Variants in DYRK4 observed in about 807,000 individuals in gnomAD.
DYRK4 encodes the protein dual specificity tyrosine-phosphorylation-regulated kinase 4.
A neutral mutation model predicts 68.3 loss-of-function variants in DYRK4; 64 were observed. The observed-to-expected ratio is 0.94, with a 90% CI of 0.77 to 1.15. DYRK4 has a LOEUF of 1.15. DYRK4 is among the 50% of genes most tolerant of loss of function. DYRK4 has a pLI of 0.00. For synonymous variants in DYRK4, 274 were observed against 289.9 expected (o/e 0.95, Z 0.56); for missense variants, 740 against 764.7 (o/e 0.97, Z 0.38).
intron 2 of DYRK4, among the ~76,000 whole-genome samples, chr12:4,580,092 G>A (rs772095959): frequency 1.3e-5 from 2 of 152,292 alleles, no homozygotes; most frequent in Non-Finnish European, 2.9e-5. Flanking sequence ...ATTTACCAAG[G>A]TGCATTTAAC....
chr12:4,577,485 G>T (rs1944801289), intron 2 of DYRK4, among the ~76,000 whole-genome samples: 1 of 152,158 alleles, frequency 6.6e-6, no homozygotes, highest in Non-Finnish European at 1.5e-5. Context: ...TTGTTCCATT[G>T]AACTATTTGT....
At chr12:4,600,534 G>C (rs1047006643) in intron 10 of DYRK4, among the ~76,000 whole-genome samples, 1 of 150,028 alleles carries the variant, frequency 6.7e-6, no homozygotes, top group African/African-American at 2.5e-5. Flanking sequence ...AGGTGGCAAG[G>C]GCTGTCAGAG....
intron 1 of DYRK4, among the ~76,000 whole-genome samples, chr12:4,563,898 C>T (rs1294301398): frequency 2.0e-5 from 3 of 152,328 alleles, no homozygotes; most frequent in Admixed American, 6.5e-5. Context: ...CAAGTACCAA[C>T]CCTATGTAAA....
In DYRK4 at chr12:4,605,099, C is replaced by A. The variant is rs1945127817; in HGVS notation, c.1299+13C>A. On this transcript the variant is annotated intron_variant, in intron 11 of 14. Coordinates refer to ENST00000543431, the MANE Select transcript of DYRK4 (RefSeq NM_001394779.1). ...CTGCATCATGGAGGTACGCGGAGGGCTGGCGGTCGGCTCCCACGGAGACCG... is the reference window on the plus strand; with the variant it reads ...CTGCATCATGGAGGTACGCGGAGGGATGGCGGTCGGCTCCCACGGAGACCG... 6.2e-7 allele frequency: 1 copy of A among 1,606,636 alleles called. No individual in the cohort carries two copies. The highest frequency in any genetic ancestry group is 8.5e-7 in the Non-Finnish European group (1 of 1,175,870).
intron 5 of DYRK4, 177 bp from the exon 6 acceptor site, chr12:4,592,825 A>G: frequency 1.6e-6 from 1 of 633,154 alleles, no homozygotes; most frequent in African/African-American, 1.8e-5. Context: ...CAAGACCTTG[A>G]CATTTATTCT....
chr12:4,583,657 A>C (rs1424583139), intron 2 of DYRK4, among the ~76,000 whole-genome samples: 1 of 152,068 alleles, frequency 6.6e-6, no homozygotes, highest in Non-Finnish European at 1.5e-5. Flanking sequence ...GGCCTCCCAA[A>C]GTGCTGGGAT....
intron 2 of DYRK4, chr12:4,573,009 G>C (rs938070630): frequency 1.7e-5 from 5 of 287,816 alleles, no homozygotes; most frequent in Non-Finnish European, 2.7e-5. Flanking sequence ...GTTGGGCAAA[G>C]GAATGGAAAT....
At chr12:4,602,426 G>T in intron 10 of DYRK4, 1 of 1,006,376 alleles carries the variant, frequency 9.9e-7, no homozygotes, top group Non-Finnish European at 1.6e-6. Flanking sequence ...TCACTGATGA[G>T]ATATGTGCAG....
intron 2 of DYRK4, among the ~76,000 whole-genome samples, chr12:4,569,655 C>G (rs1944711554): frequency 6.6e-6 from 1 of 151,992 alleles, no homozygotes; most frequent in Non-Finnish European, 1.5e-5. Flanking sequence ...GAGACAGGGT[C>G]TCGCTATGTT....
intron 2 of DYRK4, among the ~76,000 whole-genome samples, chr12:4,572,069 T>A (rs1423495265): frequency 6.6e-6 from 1 of 152,248 alleles, no homozygotes; most frequent in African/African-American, 2.4e-5. Context: ...AAACAGGCCG[T>A]AAAACTCTCA....
intron 1 of DYRK4, among the ~76,000 whole-genome samples, chr12:4,563,703 A>C (rs1565530237): frequency 6.6e-6 from 1 of 152,212 alleles, no homozygotes; most frequent in Non-Finnish European, 1.5e-5. Context: ...GGTTTGAAAA[A>C]ACTTCACAGA....
At chr12:4,587,696 T>A in intron 2 of DYRK4, among the ~76,000 whole-genome samples, 1 of 152,202 alleles carries the variant, frequency 6.6e-6, no homozygotes, top group East Asian at 1.9e-4. Flanking sequence ...CAACCCTCTC[T>A]CCCTCAGACT....
chr12:4,609,245 CGTCA>C (rs1945189777), intron 12 of DYRK4, among the ~76,000 whole-genome samples: 1 of 152,310 alleles, frequency 6.6e-6, no homozygotes, highest in African/African-American at 2.4e-5. Flanking sequence ...ACTGCATCTT[CGTCA>C]GTGTTTTCCA....
chr12:4,589,040 T>C (rs1050893183), intron 3 of DYRK4, 23 bp downstream of exon 3: 1 of 1,534,342 alleles, frequency 6.5e-7, no homozygotes, highest in African/African-American at 1.4e-5. Context: ...GGTCAGCTCC[T>C]TTTCTCTAGG....
At chr12:4,563,416 C>T (rs1439814331) in intron 1 of DYRK4, among the ~76,000 whole-genome samples, 1 of 152,182 alleles carries the variant, frequency 6.6e-6, no homozygotes, top group Non-Finnish European at 1.5e-5. Flanking sequence ...GTGTGGAGGA[C>T]CCAGTGCTGG....
At chr12:4,597,721 A>C (rs1349525051) in intron 8 of DYRK4, among the ~76,000 whole-genome samples, 1 of 152,014 alleles carries the variant, frequency 6.6e-6, no homozygotes, top group East Asian at 1.9e-4. Context: ...CAGAGCCAAG[A>C]CTCACATCTC....
At chr12:4,576,393 G>A (rs1944790108) in intron 2 of DYRK4, among the ~76,000 whole-genome samples, 1 of 152,134 alleles carries the variant, frequency 6.6e-6, no homozygotes, top group African/African-American at 2.4e-5. Flanking sequence ...GGGTGTACCA[G>A]TTTGCTTATC....
chr12:4,580,237 G>C (rs932474625), intron 2 of DYRK4, among the ~76,000 whole-genome samples: 2 of 152,180 alleles, frequency 1.3e-5, no homozygotes, highest in Admixed American at 6.5e-5. Context: ...CTCTACTAGG[G>C]ACAGAGCTGG....
chr12:4,590,795 A>T, intron 4 of DYRK4: 4 of 384,782 alleles, frequency 1.0e-5, no homozygotes, highest in Non-Finnish European at 1.8e-5. Context: ...TGCCAACTGA[A>T]AGAGGCGTCA....
Sources: allele counts gnomAD v4.1 joint callset (sites outside exome capture counted in the v4.1 genomes callset), GRCh38; gene constraint gnomAD v4.1.1; transcripts MANE v1.5; gene names NCBI Gene and HGNC (gene_info 2026-07-23, HGNC 2026-07-21).